The following ROBO2 variants were observed in gnomAD, a reference collection of about 807,000 sequenced individuals.
ROBO2 encodes the protein roundabout homolog 2.
ROBO2 carries 53 observed loss-of-function variants against 160.8 expected under a neutral mutation model. That is an observed-to-expected ratio of 0.33 (90% CI 0.26 to 0.41). ROBO2 has a LOEUF of 0.41. ROBO2 is among the 10% of genes least tolerant of loss of function. The pLI is 1.00. For synonymous variants in ROBO2, 664 were observed against 611.7 expected, an observed-to-expected ratio of 1.09 and a Z score of -1.26; for missense variants, 1,577 against 1,722.4, an observed-to-expected ratio of 0.92 and a Z score of 1.49.
intron 2 of ROBO2, among the ~76,000 whole-genome samples, chr3:77,189,985 G>A (rs941455032): frequency 6.6e-6 from 1 of 151,862 alleles, no homozygotes; most frequent in African/African-American, 2.4e-5. Context: ...AATTGGCTTA[G>A]GTTACTGGTG....
chr3:76,817,637 C>G (rs527726388), intron 2 of ROBO2, among the ~76,000 whole-genome samples: 1 of 151,806 alleles, frequency 6.6e-6, no homozygotes, highest in Non-Finnish European at 1.5e-5. Flanking sequence ...TCTCCTGTCC[C>G]TCAACCCCCT....
chr3:75,909,386 A>G (rs1325637610), intron 1 of ROBO2, among the ~76,000 whole-genome samples: 4 of 152,232 alleles, frequency 2.6e-5, no homozygotes, highest in Non-Finnish European at 5.9e-5. Context: ...ATTGAATGCT[A>G]GCTATGAAAC....
At chr3:76,950,926 C>G (rs1001972978) in intron 2 of ROBO2, among the ~76,000 whole-genome samples, 1 of 152,116 alleles carries the variant, frequency 6.6e-6, no homozygotes, top group East Asian at 1.9e-4. Flanking sequence ...AATGGTTTCG[C>G]CATGTTTCCC....
At chr3:77,408,197 G>A (rs1481244130) in intron 2 of ROBO2, among the ~76,000 whole-genome samples, 1 of 152,006 alleles carries the variant, frequency 6.6e-6, no homozygotes, top group Admixed American at 6.6e-5. Flanking sequence ...AAATAGATCT[G>A]GTAAGTAGTG....
intron 2 of ROBO2, among the ~76,000 whole-genome samples, chr3:76,691,663 G>A (rs2092805960): frequency 6.6e-6 from 1 of 152,130 alleles, no homozygotes; most frequent in Admixed American, 6.6e-5. Flanking sequence ...GGACATAGGA[G>A]AGGATGGTTT....
intron 2 of ROBO2, among the ~76,000 whole-genome samples, chr3:77,426,212 G>A (rs1428328534): frequency 6.6e-6 from 1 of 152,066 alleles, no homozygotes; most frequent in African/African-American, 2.4e-5. Flanking sequence ...AAATACTTGG[G>A]ACATTGAGCT....
chr3:75,916,699 A>C (rs931506871), intron 1 of ROBO2, among the ~76,000 whole-genome samples: 2 of 151,094 alleles, frequency 1.3e-5, no homozygotes, highest in African/African-American at 2.4e-5. Context: ...AATTTATGGC[A>C]AAAAAAAGTC....
intron 2 of ROBO2, among the ~76,000 whole-genome samples, chr3:77,165,245 T>C (rs921635120): frequency 5.3e-5 from 8 of 149,552 alleles, no homozygotes; most frequent in Non-Finnish European, 1.0e-4. Flanking sequence ...TGGGATCCTG[T>C]TGATCTGTGA....
intron 2 of ROBO2, among the ~76,000 whole-genome samples, chr3:76,776,758 C>T (rs1576559647): frequency 6.6e-6 from 1 of 150,984 alleles, no homozygotes; most frequent in East Asian, 2.0e-4. Flanking sequence ...CTCAAAGAGG[C>T]TAATACTAAA....
At chr3:76,723,872 C>T (rs1553882358) in intron 2 of ROBO2, among the ~76,000 whole-genome samples, 1 of 152,146 alleles carries the variant, frequency 6.6e-6, no homozygotes, top group Non-Finnish European at 1.5e-5. Flanking sequence ...TTCATGAATA[C>T]CATACCAGAC....
chr3:76,696,890 A>G (rs984022260), intron 2 of ROBO2, among the ~76,000 whole-genome samples: 1 of 152,150 alleles, frequency 6.6e-6, no homozygotes, highest in East Asian at 1.9e-4. Context: ...TCCTCATATT[A>G]TATTTGGATG....
At chr3:76,272,804 A>ATTT (rs1707559437) in intron 2 of ROBO2, among the ~76,000 whole-genome samples, 1 of 47,480 alleles carries the variant, frequency 2.1e-5, no homozygotes, top group South Asian at 6.9e-4. Flanking sequence ...ATATATATAA[A>ATTT]ATATATAATA....
At chr3:76,836,995 C>A (rs1019132841) in intron 2 of ROBO2, among the ~76,000 whole-genome samples, 1 of 151,148 alleles carries the variant, frequency 6.6e-6, no homozygotes, top group Non-Finnish European at 1.5e-5. Flanking sequence ...AAATATCTGA[C>A]TATAATTGTG....
intron 2 of ROBO2, among the ~76,000 whole-genome samples, chr3:77,123,965 TAATC>T (rs776462867): frequency 8.7e-5 from 13 of 149,214 alleles, no homozygotes; most frequent in African/African-American, 1.5e-4. Flanking sequence ...GATATGTAGA[TAATC>T]TATCTATATA....
intron 2 of ROBO2, among the ~76,000 whole-genome samples, chr3:76,689,761 C>T (rs1292099803): frequency 6.6e-6 from 1 of 152,158 alleles, no homozygotes; most frequent in Admixed American, 6.6e-5. Context: ...TCCACCTTTT[C>T]CTCCTTCTAG....
At chr3:76,899,470 C>T (rs770938467) in intron 2 of ROBO2, among the ~76,000 whole-genome samples, 4 of 152,112 alleles carry the variant, frequency 2.6e-5, no homozygotes, top group Non-Finnish European at 4.4e-5. Context: ...TCTTGCCTTC[C>T]AAACATGTGA....
intron 2 of ROBO2, among the ~76,000 whole-genome samples, chr3:76,323,580 C>T (rs2072758443): frequency 6.6e-6 from 1 of 152,038 alleles, no homozygotes; most frequent in South Asian, 2.1e-4. Flanking sequence ...TCCAACAAGA[C>T]AGGCTTAGGT....
intron 2 of ROBO2, among the ~76,000 whole-genome samples, chr3:76,140,281 A>G (rs2071582148): frequency 6.6e-6 from 1 of 152,110 alleles, no homozygotes; most frequent in South Asian, 2.1e-4. Context: ...TCATTCAAGT[A>G]AAGGAGCCTT....
intron 2 of ROBO2, among the ~76,000 whole-genome samples, chr3:77,157,465 T>A (rs2078117958): frequency 6.6e-6 from 1 of 152,064 alleles, no homozygotes; most frequent in South Asian, 2.1e-4. Flanking sequence ...GGAAAGAAAC[T>A]TATAAAAAGT....
Sources: gnomAD v4.1 joint callset for allele counts (sites outside exome capture counted in the v4.1 genomes callset) on GRCh38, gnomAD v4.1.1 for gene constraint, MANE v1.5 for transcripts, NCBI Gene and HGNC (gene_info 2026-07-23, HGNC 2026-07-21) for gene names.